KCTD8: variants seen among roughly 807,000 people sequenced by gnomAD.
The protein encoded by KCTD8 is BTB/POZ domain-containing protein KCTD8.
Under a neutral mutation model 31.5 loss-of-function variants are expected in KCTD8, and 27 were observed. The ratio of observed to expected loss-of-function variants is 0.86; its 90% confidence interval spans 0.63 to 1.18. The LOEUF (loss-of-function observed/expected upper bound fraction) is 1.18, where lower values mean the gene tolerates loss of function less well. KCTD8 is among the 50% of genes most tolerant of loss of function. The pLI is 0.00. For missense variants in KCTD8, 658 were observed against 647.7 expected, an observed-to-expected ratio of 1.02 and a Z score of -0.17; for synonymous variants, 290 against 280.0, an observed-to-expected ratio of 1.04 and a Z score of -0.36.
intron 1 of KCTD8, among the ~76,000 whole-genome samples, chr4:44,404,054 C>T (rs150750300): frequency 5.9e-4 from 90 of 152,114 alleles, no homozygotes; most frequent in African/African-American, 1.8e-3. Context: ...CCTACAAAAC[C>T]GAGACCCAAC....
chr4:44,287,133 G>A (rs1015016403), intron 1 of KCTD8, among the ~76,000 whole-genome samples: 2 of 151,984 alleles, frequency 1.3e-5, no homozygotes, highest in Non-Finnish European at 2.9e-5. Flanking sequence ...TGAGAATTTA[G>A]AGGCTGGGTG....
In KCTD8 at chr4:44,327,185, T is replaced by A. The variant is rs531100659; in HGVS notation, c.961+120378A>T. Among the ~76,000 whole-genome samples the A allele has an allele frequency of 1.5e-4, 23 of 152,070 alleles. 1 individual carries two copies. The South Asian group carries it at 4.8e-3, about 32-fold the overall frequency. On this transcript the variant is annotated intron_variant, in intron 1 of 1. Transcript: ENST00000360029. Reference sequence around the variant, plus strand: ...TTTTATAGCAAGGAGGTTCAAACTCTGTATTAAGTGAAATTGAAAACACAC... The same window carrying A: ...TTTTATAGCAAGGAGGTTCAAACTCAGTATTAAGTGAAATTGAAAACACAC...
chr4:44,447,961 G>A lies in KCTD8; in HGVS notation c.563C>T (p.Ser188Leu), dbSNP rs1446668885. The change falls in exon 1 of 2, where the codon TCG becomes TTG. Residue 188 changes from serine (S) to leucine (L), a missense_variant. By Grantham distance (145) the Ser-to-Leu change is moderately radical. Transcript: ENST00000360029. ...GCCACCACCGTGCGCTCCCGGGCCC[G>A]AGGGCACGGCGGCCGCCGCCCCGCG... ...LLRGAAAAVP[S>L]GPGAHGGGGG... 2 of 1,526,340 alleles carry A rather than the reference G, an allele frequency of 1.3e-6. No homozygotes were observed. Among genetic ancestry groups the A allele is most frequent in the Non-Finnish European group, 8.8e-7 (1 of 1,135,560 alleles). 94.5% of individuals were successfully genotyped at this position (1,526,340 alleles called of 1,614,324 possible).
chr4:44,323,980 A>G (rs1463140533), intron 1 of KCTD8, among the ~76,000 whole-genome samples: 1 of 151,662 alleles, frequency 6.6e-6, no homozygotes, highest in Admixed American at 6.6e-5. Context: ...CCAGCATGGC[A>G]CATGTATACA....
intron 1 of KCTD8, among the ~76,000 whole-genome samples, chr4:44,239,405 G>T (rs372267765): frequency 6.6e-6 from 1 of 152,190 alleles, no homozygotes; most frequent in African/African-American, 2.4e-5. Flanking sequence ...ATGTTTCCAC[G>T]GTAGTAACAT....
intron 1 of KCTD8, among the ~76,000 whole-genome samples, chr4:44,383,393 G>A (rs891946608): frequency 2.0e-5 from 3 of 152,018 alleles, no homozygotes; most frequent in African/African-American, 7.2e-5. Flanking sequence ...AAAGCCAGAG[G>A]CATCACACCT....
At chr4:44,429,096 T>A (rs947220513) in intron 1 of KCTD8, among the ~76,000 whole-genome samples, 2 of 151,508 alleles carry the variant, frequency 1.3e-5, no homozygotes, top group East Asian at 3.9e-4. Context: ...ATCTAAATGG[T>A]AGGTAGAGAA....
At chr4:44,441,539 T>C (rs1356516940) in intron 1 of KCTD8, among the ~76,000 whole-genome samples, 1 of 152,194 alleles carries the variant, frequency 6.6e-6, no homozygotes, top group East Asian at 1.9e-4. Context: ...AAGTACTCAG[T>C]AGACACTGAA....
At chr4:44,213,480 C>T (rs1714554674) in intron 1 of KCTD8, among the ~76,000 whole-genome samples, 1 of 152,118 alleles carries the variant, frequency 6.6e-6, no homozygotes, top group African/African-American at 2.4e-5. Context: ...TAAAATATTA[C>T]AATTGACTTA....
chr4:44,229,292 G>A (rs1333636592), intron 1 of KCTD8, among the ~76,000 whole-genome samples: 1 of 152,166 alleles, frequency 6.6e-6, no homozygotes. Flanking sequence ...CAGGTGCCAG[G>A]GAGAGGCTAT....
At chr4:44,283,690 A>C (rs1354541197) in intron 1 of KCTD8, among the ~76,000 whole-genome samples, 1 of 151,986 alleles carries the variant, frequency 6.6e-6, no homozygotes. Flanking sequence ...CTTTCAAAAT[A>C]TTACTGCTTG....
rs978672410 is a variant in KCTD8 at position 44,299,945 on chromosome 4, G to T, written c.962-124695C>A. ...TTTTTGTATTTTTAGTAGAGACGGGGTTTCGCTGTGTTAGCCAGGATGGTC... is the reference window on the plus strand; with the variant it reads ...TTTTTGTATTTTTAGTAGAGACGGGTTTTCGCTGTGTTAGCCAGGATGGTC... On this transcript the variant is annotated intron_variant, in intron 1 of 1. Coordinates refer to ENST00000360029, the MANE Select transcript of KCTD8 (RefSeq NM_198353.3). Among the ~76,000 whole-genome samples the T allele has an allele frequency of 3.3e-5, 5 of 151,770 alleles. No individual in the cohort carries two copies. The East Asian group carries it at 5.9e-4, about 18-fold the overall frequency.
chr4:44,429,178 C>T (rs1721413592), intron 1 of KCTD8, among the ~76,000 whole-genome samples: 1 of 151,598 alleles, frequency 6.6e-6, no homozygotes, highest in Non-Finnish European at 1.5e-5. Flanking sequence ...AATCAAGGAC[C>T]CTAAAAGCAT....
At chr4:44,212,751 T>C (rs1479293084) in intron 1 of KCTD8, among the ~76,000 whole-genome samples, 4 of 152,322 alleles carry the variant, frequency 2.6e-5, no homozygotes, top group East Asian at 3.9e-4. Flanking sequence ...TAGTAAACAT[T>C]GTTTAGTTGG....
chr4:44,429,413 C>A (rs1393013148), intron 1 of KCTD8, among the ~76,000 whole-genome samples: 1 of 151,626 alleles, frequency 6.6e-6, no homozygotes, highest in Non-Finnish European at 1.5e-5. Context: ...TGGAAATAAG[C>A]AAGGAAAGAA....
At chr4:44,216,879 C>A (rs1714664874) in intron 1 of KCTD8, among the ~76,000 whole-genome samples, 1 of 151,952 alleles carries the variant, frequency 6.6e-6, no homozygotes, top group Non-Finnish European at 1.5e-5. Context: ...TGACTCTATA[C>A]ACTTCAAAAG....
At chr4:44,247,365 C>G (rs924494354) in intron 1 of KCTD8, among the ~76,000 whole-genome samples, 17 of 151,896 alleles carry the variant, frequency 1.1e-4, no homozygotes, top group African/African-American at 3.4e-4. Context: ...AATTATTTTT[C>G]TTCTCCACTA....
intron 1 of KCTD8, among the ~76,000 whole-genome samples, chr4:44,319,817 T>C (rs1381754965): frequency 1.3e-5 from 2 of 152,148 alleles, no homozygotes; most frequent in African/African-American, 4.8e-5. Flanking sequence ...GAAAGCCTTA[T>C]GTTTTTTGAA....
intron 1 of KCTD8, among the ~76,000 whole-genome samples, chr4:44,250,479 T>C (rs933266696): frequency 6.6e-6 from 1 of 151,768 alleles, no homozygotes; most frequent in Non-Finnish European, 1.5e-5. Flanking sequence ...ACTTTACAGG[T>C]GAAAGAGCAG....
Sources: allele counts gnomAD v4.1 joint callset (sites outside exome capture counted in the v4.1 genomes callset), GRCh38; gene constraint gnomAD v4.1.1; transcripts MANE v1.5; gene names NCBI Gene and HGNC (gene_info 2026-07-23, HGNC 2026-07-21).